ULK4: variants seen among roughly 807,000 people sequenced by gnomAD.
ULK4 encodes the protein inactive serine/threonine-protein kinase ULK4.
A neutral mutation model predicts 160.6 loss-of-function variants in ULK4; 133 were observed. The observed-to-expected ratio is 0.83, with a 90% CI of 0.72 to 0.96. ULK4 has a LOEUF of 0.96. Ranked by LOEUF, ULK4 falls within the 40% of genes least tolerant of loss-of-function variation. The pLI is 0.00. For synonymous variants in ULK4, 534 were observed against 539.8 expected, an observed-to-expected ratio of 0.99 and a Z score of 0.15; for missense variants, 1,580 against 1,499.5, an observed-to-expected ratio of 1.05 and a Z score of -0.89.
rs183057328 is a variant in ULK4 at position 41,676,755 on chromosome 3, G to A, written c.2978+4753C>T. On this transcript the variant is annotated intron_variant, in intron 29 of 36. Coordinates refer to ENST00000301831, the MANE Select transcript of ULK4 (RefSeq NM_017886.4). ...AGGTAAGTAAATGGGCTGATGAAGAGAGAAAATATTGTCTCTCCAGCTTAT... is the reference window on the plus strand; with the variant it reads ...AGGTAAGTAAATGGGCTGATGAAGAAAGAAAATATTGTCTCTCCAGCTTAT... Among the ~76,000 whole-genome samples the A allele has an allele frequency of 3.7e-4, 57 of 152,166 alleles. 1 individual carries two copies. Among genetic ancestry groups the A allele is most frequent in the Admixed American group, 3.7e-3 (57 of 15,274 alleles).
intron 14 of ULK4, among the ~76,000 whole-genome samples, chr3:41,897,290 T>C (rs1333256328): frequency 6.6e-6 from 1 of 152,058 alleles, no homozygotes; most frequent in Non-Finnish European, 1.5e-5. Flanking sequence ...TATAACAAAA[T>C]GCAAAGTTCA....
At chr3:41,736,057 T>C (rs1177753147) in intron 22 of ULK4, among the ~76,000 whole-genome samples, 1 of 151,748 alleles carries the variant, frequency 6.6e-6, no homozygotes, top group Non-Finnish European at 1.5e-5. Context: ...TTCCATGGTG[T>C]ATATGTGCCA....
At chr3:41,807,443 T>C (rs2040682153) in intron 19 of ULK4, among the ~76,000 whole-genome samples, 1 of 152,286 alleles carries the variant, frequency 6.6e-6, no homozygotes, top group Non-Finnish European at 1.5e-5. Flanking sequence ...TAAAAACGTT[T>C]ACAAATGCGC....
intron 35 of ULK4, among the ~76,000 whole-genome samples, chr3:41,373,235 G>C (rs1175866265): frequency 2.0e-5 from 3 of 152,156 alleles, no homozygotes; most frequent in Non-Finnish European, 2.9e-5. Context: ...CAACGAAACA[G>C]AAAATTAATA....
intron 2 of ULK4, among the ~76,000 whole-genome samples, chr3:41,948,081 G>C (rs76325225): frequency 0.024 from 3,598 of 152,138 alleles, 53 homozygotes; most frequent in Non-Finnish European, 0.038. Context: ...TCCAGTTCTG[G>C]GTATTTCCCT....
chr3:41,273,220 T>A (rs1222115403), intron 35 of ULK4, among the ~76,000 whole-genome samples: 1 of 152,262 alleles, frequency 6.6e-6, no homozygotes. Context: ...TTTGTTTTTT[T>A]GAGGTCTTGC....
chr3:41,408,134 T>TA (rs71288062), intron 34 of ULK4, among the ~76,000 whole-genome samples: 32,568 of 150,036 alleles, frequency 0.22, 3,916 homozygotes, highest in African/African-American at 0.32. Context: ...TAGCAAAAAA[T>TA]AAAAAAAAAT....
intron 35 of ULK4, among the ~76,000 whole-genome samples, chr3:41,370,853 G>A (rs148653271): frequency 2.0e-5 from 3 of 152,282 alleles, no homozygotes; most frequent in East Asian, 1.9e-4. Context: ...CTTGCTCAGC[G>A]GATTCTACCC....
intron 17 of ULK4, among the ~76,000 whole-genome samples, chr3:41,859,974 T>C (rs1370351434): frequency 2.0e-5 from 3 of 152,032 alleles, no homozygotes; most frequent in Non-Finnish European, 4.4e-5. Flanking sequence ...GGCCCCCAAA[T>C]TCCTTCTTAA....
chr3:41,554,183 C>T (rs563355673), intron 32 of ULK4, among the ~76,000 whole-genome samples: 2 of 152,204 alleles, frequency 1.3e-5, no homozygotes, highest in South Asian at 4.1e-4. Context: ...GGGTATTTAT[C>T]CAAAGGAAAA....
rs971767375 is a variant in ULK4, at chr3:41,954,603, T to C, written c.138+19A>G. The C allele has an allele frequency of 5.6e-6, 9 of 1,603,886 alleles. No individual in the cohort carries two copies. The highest frequency in any genetic ancestry group is 1.3e-5 in the African/African-American group (1 of 74,594). Reference sequence around the variant, plus strand: ...GTAGCTCTCTCTTTCCCCATGCCAATGGAAATACACTGACTTACCCAGTTG... The same window carrying C: ...GTAGCTCTCTCTTTCCCCATGCCAACGGAAATACACTGACTTACCCAGTTG... On this transcript the variant is annotated intron_variant, in intron 2 of 36. Transcript: ENST00000301831.
At chr3:41,696,415 T>G (rs896527903) in intron 27 of ULK4, among the ~76,000 whole-genome samples, 5 of 152,212 alleles carry the variant, frequency 3.3e-5, no homozygotes. Flanking sequence ...AAGGGCCCCC[T>G]GTCCAGTGGA....
At chr3:41,942,575 T>C (rs1699992243) in intron 2 of ULK4, among the ~76,000 whole-genome samples, 2 of 152,108 alleles carry the variant, frequency 1.3e-5, no homozygotes. Flanking sequence ...GCCAGCACTT[T>C]GGGAGGCCAA....
At chr3:41,655,771 T>G (rs145270524) in intron 30 of ULK4, among the ~76,000 whole-genome samples, 126 of 152,314 alleles carry the variant, frequency 8.3e-4, no homozygotes, top group African/African-American at 2.9e-3. Context: ...CTGTATAAAT[T>G]CAGCTAATTG....
intron 32 of ULK4, among the ~76,000 whole-genome samples, chr3:41,492,932 T>A (rs2084841710): frequency 6.9e-6 from 1 of 144,504 alleles, no homozygotes; most frequent in Non-Finnish European, 1.5e-5. Context: ...ATAAAGCAAG[T>A]CCTGAGTGAA....
intron 17 of ULK4, among the ~76,000 whole-genome samples, chr3:41,848,570 C>G (rs1026380030): frequency 6.6e-6 from 1 of 152,196 alleles, no homozygotes; most frequent in Non-Finnish European, 1.5e-5. Flanking sequence ...CAGTCTGGTA[C>G]AGTCAAGGGC....
chr3:41,506,767 A>AAAAAAAAATATATATATATATAAATAT lies in ULK4; in HGVS notation c.3227-43515_3227-43514insATATTTATATATATATATATTTTTTTT. Among the ~76,000 whole-genome samples, 36 of 56,794 alleles carry AAAAAAAAATATATATATATATAAATAT rather than the reference A, an allele frequency of 6.3e-4. 1 individual carries two copies. The highest frequency in any genetic ancestry group is 1.5e-3 in the African/African-American group (18 of 12,248). The allele number at this position is 56,794 out of a possible 152,430, so 37.3% of individuals were successfully genotyped here. A position where few individuals can be genotyped will look rare whatever the true frequency, so the allele number is the denominator to read the frequency against. ...AGCAATACACTGGAGTGTGATTTAA[A>AAAAAAAAATATATATATATATAAATAT]ATATATATATATATATATATATATA... On this transcript the variant is annotated intron_variant, in intron 32 of 36. Coordinates refer to ENST00000301831, the MANE Select transcript of ULK4 (RefSeq NM_017886.4).
chr3:41,445,353 C>A (rs531965783), intron 34 of ULK4, among the ~76,000 whole-genome samples: 1 of 152,262 alleles, frequency 6.6e-6, no homozygotes, highest in African/African-American at 2.4e-5. Flanking sequence ...TGACTTTCTT[C>A]ACAGAATTGG....
chr3:41,250,729 C>G (rs532449602), intron 35 of ULK4, among the ~76,000 whole-genome samples: 101 of 152,336 alleles, frequency 6.6e-4, no homozygotes, highest in African/African-American at 2.2e-3. Context: ...GAGATCCTCT[C>G]CCACCTTCCT....
Sources: gnomAD v4.1 joint callset for allele counts (sites outside exome capture counted in the v4.1 genomes callset) on GRCh38, gnomAD v4.1.1 for gene constraint, MANE v1.5 for transcripts, NCBI Gene and HGNC (gene_info 2026-07-23, HGNC 2026-07-21) for gene names.